Variants in CNTN6 observed in about 807,000 individuals in gnomAD.
The protein encoded by CNTN6 is contactin 6.
CNTN6 carries 137 observed loss-of-function variants against 122.8 expected under a neutral mutation model. The ratio of observed to expected loss-of-function variants is 1.12; its 90% CI spans 0.97 to 1.29. CNTN6 has a LOEUF of 1.29. Ranked by LOEUF, CNTN6 falls within the 50% of genes most tolerant of loss-of-function variation. The probability of loss-of-function intolerance (pLI) is 0.00; values close to 1 mark genes in which losing one functional copy is unlikely to be tolerated. For synonymous variants in CNTN6, 570 were observed against 426.0 expected (o/e 1.34, Z -4.16); for missense variants, 1,634 against 1,223.4 (o/e 1.34, Z -5.01).
At chr3:1,241,525 G>A (rs2094484338) in intron 4 of CNTN6, among the ~76,000 whole-genome samples, 1 of 152,094 alleles carries the variant, frequency 6.6e-6, no homozygotes, top group Non-Finnish European at 1.5e-5. Context: ...CTAAACGGAA[G>A]ATACAAGGTC....
At position 1,373,769 on chromosome 3, in the gene CNTN6, G is replaced by T; in HGVS notation, c.1945+7G>T. On this transcript the variant is annotated splice_region_variant and intron_variant, in intron 15 of 22. Transcript: ENST00000446702. ...TGGCAGGCTGTTGCTACAGGTGAGT[G>T]ACAAAAGTGTTTTGGGTCACTTTAA... 6.3e-7 allele frequency: 1 copy of T among 1,585,164 alleles called. No individual in the cohort carries two copies. The highest frequency in any genetic ancestry group is 1.2e-5 in the South Asian group (1 of 84,614).
chr3:1,264,581 TTAATTAAC>T (rs1287606298), intron 4 of CNTN6, among the ~76,000 whole-genome samples: 2 of 150,932 alleles, frequency 1.3e-5, no homozygotes, highest in Admixed American at 1.3e-4. Context: ...AATTTTATTT[TTAATTAAC>T]TAATAATAAT....
intron 2 of CNTN6, among the ~76,000 whole-genome samples, chr3:1,219,844 A>C (rs1575290409): frequency 2.0e-5 from 3 of 151,862 alleles, no homozygotes; most frequent in Non-Finnish European, 4.4e-5. Flanking sequence ...GTGAAACACC[A>C]TCTCTACAAG....
intron 17 of CNTN6, among the ~76,000 whole-genome samples, chr3:1,378,777 TTCTC>T (rs1405377802): frequency 6.6e-6 from 1 of 152,108 alleles, no homozygotes; most frequent in African/African-American, 2.4e-5. Context: ...GAACACAGGG[TTCTC>T]TCTTTCTGTT....
At position 1,327,597 on chromosome 3, in the gene CNTN6, T is replaced by G. The variant is rs779680270; in HGVS notation, c.1213+11T>G. The G allele has an allele frequency of 6.2e-7, 1 of 1,607,080 alleles. No individual in the cohort carries two copies. The highest frequency in any genetic ancestry group is 1.1e-5 in the South Asian group (1 of 90,576). The stretch of plus-strand genomic sequence containing the variant: ...AATTGAGAGTTTTAGGTAAGTCGTT[T>G]ATTTACAACCAACAAATTCAAAATG... On this transcript the variant is annotated intron_variant, in intron 10 of 22. Coordinates refer to ENST00000446702, the MANE Select transcript of CNTN6 (RefSeq NM_001289080.2).
At chr3:1,119,519 C>G (rs1011592759) in intron 1 of CNTN6, among the ~76,000 whole-genome samples, 47 of 151,956 alleles carry the variant, frequency 3.1e-4, no homozygotes, top group African/African-American at 1.1e-3. Flanking sequence ...TGAAAGAGAG[C>G]ATCATAGAAG....
rs759309603 is a variant in CNTN6, at chr3:1,372,455, A to G, written c.1649A>G (p.His550Arg). ...DVIDLKKGVA[H>R]FERIGGESVG... The stretch of plus-strand genomic sequence containing the variant: ...ATAGACTTAAAAAAAGGAGTGGCTC[A>G]TTTTGAAAGGATTGGAGGAGTAAGT... Residue 550 changes from histidine to arginine, a missense_variant, in exon 13 of 23, where the codon CAT becomes CGT. Coordinates refer to ENST00000446702, the MANE Select transcript of CNTN6 (RefSeq NM_001289080.2). 1 of 1,610,976 alleles carries G rather than the reference A, an allele frequency of 6.2e-7. No homozygotes were observed. Among genetic ancestry groups the G allele is most frequent in the Non-Finnish European group, 8.5e-7 (1 of 1,178,834 alleles).
At chr3:1,333,431 C>G (rs1197434601) in intron 11 of CNTN6, among the ~76,000 whole-genome samples, 1 of 151,968 alleles carries the variant, frequency 6.6e-6, no homozygotes, top group Admixed American at 6.6e-5. Flanking sequence ...CTTCTACCAT[C>G]TCATACCTCT....
At chr3:1,158,206 CT>C (rs1176320712) in intron 2 of CNTN6, among the ~76,000 whole-genome samples, 1 of 152,134 alleles carries the variant, frequency 6.6e-6, no homozygotes, top group Non-Finnish European at 1.5e-5. Context: ...TATTGCCAGT[CT>C]TTTGGATATA....
At chr3:1,346,714 A>T (rs1429091961) in intron 11 of CNTN6, among the ~76,000 whole-genome samples, 1 of 152,118 alleles carries the variant, frequency 6.6e-6, no homozygotes. Context: ...ATAGAGCAAC[A>T]CTAAATGGAC....
At chr3:1,159,876 A>G in intron 2 of CNTN6, among the ~76,000 whole-genome samples, 1 of 151,948 alleles carries the variant, frequency 6.6e-6, no homozygotes. Flanking sequence ...GCTGGAGTAC[A>G]GTGGCGCGGT....
intron 11 of CNTN6, among the ~76,000 whole-genome samples, chr3:1,336,426 T>G (rs544241430): frequency 6.6e-6 from 1 of 152,244 alleles, no homozygotes; most frequent in African/African-American, 2.4e-5. Flanking sequence ...TTTTTAAATT[T>G]ACAGAGAATC....
chr3:1,402,712 G>A, intron 22 of CNTN6: 1 of 390,194 alleles, frequency 2.6e-6, no homozygotes, highest in East Asian at 3.9e-5. Flanking sequence ...AAAGAGAACA[G>A]GAAAAAAAAT....
intron 1 of CNTN6, among the ~76,000 whole-genome samples, chr3:1,117,730 A>G (rs1260904334): frequency 1.3e-5 from 2 of 152,172 alleles, no homozygotes; most frequent in African/African-American, 4.8e-5. Flanking sequence ...CAAACCAGAA[A>G]TGCTGACTGG....
In CNTN6 at chr3:1,372,460, G is replaced by C; in HGVS notation, c.1654G>C (p.Glu552Gln). ...CTTAAAAAAAGGAGTGGCTCATTTT[G>C]AAAGGATTGGAGGAGTAAGTTACTG... is the stretch of plus-strand genomic sequence containing the variant. Reference protein sequence around the residue: ...IDLKKGVAHFERIGGESVGDL... With the variant: ...IDLKKGVAHFQRIGGESVGDL... Residue 552 changes from glutamate to glutamine, a missense_variant, in exon 13 of 23, where the codon GAA becomes CAA. Glu to Gln is a conservative substitution (Grantham distance 29). Transcript: ENST00000446702. 6.2e-7 allele frequency: 1 copy of C among 1,610,424 alleles called. No individual in the cohort carries two copies. Among genetic ancestry groups the C allele is most frequent in the Non-Finnish European group, 8.5e-7 (1 of 1,178,612 alleles).
chr3:1,306,288 A>G (rs1054785506), intron 7 of CNTN6, among the ~76,000 whole-genome samples: 1 of 152,138 alleles, frequency 6.6e-6, no homozygotes. Flanking sequence ...ACACGATATT[A>G]TCAATAACTT....
intron 4 of CNTN6, among the ~76,000 whole-genome samples, chr3:1,257,900 A>G (rs1175572122): frequency 1.3e-5 from 2 of 152,202 alleles, no homozygotes; most frequent in African/African-American, 4.8e-5. Context: ...TAGGTCAGAT[A>G]TAAAGGTTTA....
At chr3:1,235,940 C>T (rs1396430936) in intron 4 of CNTN6, among the ~76,000 whole-genome samples, 2 of 151,984 alleles carry the variant, frequency 1.3e-5, no homozygotes, top group East Asian at 1.9e-4. Flanking sequence ...CCTGTGACTG[C>T]GTTTTCCCTC....
At chr3:1,254,571 G>T (rs1013110167) in intron 4 of CNTN6, among the ~76,000 whole-genome samples, 18 of 152,124 alleles carry the variant, frequency 1.2e-4, no homozygotes, top group African/African-American at 4.1e-4. Context: ...ATGTGTGGAA[G>T]TTACAGTGCT....
Sources: gnomAD v4.1 joint callset for allele counts (sites outside exome capture counted in the v4.1 genomes callset) on GRCh38, gnomAD v4.1.1 for gene constraint, MANE v1.5 for transcripts, NCBI Gene and HGNC (gene_info 2026-07-23, HGNC 2026-07-21) for gene names.